The following B4GALT5 variants were observed in gnomAD, a reference collection of about 807,000 sequenced individuals.
B4GALT5 encodes the protein beta-1,4-galactosyltransferase 5, also known as UDP-Gal:beta-GlcNAc beta-1,4-galactosyltransferase 5.
Under a neutral mutation model 45.0 loss-of-function variants are expected in B4GALT5, and 11 were observed. The observed-to-expected ratio is 0.24, with a 90% CI of 0.15 to 0.40. The LOEUF (loss-of-function observed/expected upper bound fraction) is 0.40. Among genes scored for constraint, B4GALT5 ranks in the 10% least tolerant of loss-of-function variants. The pLI is 1.00. For synonymous variants in B4GALT5, 185 were observed against 182.9 expected (o/e 1.01, Z -0.09); for missense variants, 337 against 500.2 (o/e 0.67, Z 3.11).
chr20:49,676,602 C>A (rs540195844), intron 1 of B4GALT5, among the ~76,000 whole-genome samples: 1 of 152,226 alleles, frequency 6.6e-6, no homozygotes, highest in Non-Finnish European at 1.5e-5. Context: ...CTCTTCCTTC[C>A]GTAAGAAGGC....
At chr20:49,657,996 A>T (rs1301764027) in intron 1 of B4GALT5, among the ~76,000 whole-genome samples, 1 of 152,194 alleles carries the variant, frequency 6.6e-6, no homozygotes, top group Non-Finnish European at 1.5e-5. Flanking sequence ...AAAGATTTCA[A>T]ATCATCTCTT....
At chr20:49,672,972 C>T (rs973110911) in intron 1 of B4GALT5, among the ~76,000 whole-genome samples, 3 of 152,200 alleles carry the variant, frequency 2.0e-5, no homozygotes, top group African/African-American at 7.2e-5. Flanking sequence ...TAACCAAGTG[C>T]CCAAACTGGG....
intron 3 of B4GALT5, among the ~76,000 whole-genome samples, chr20:49,644,738 T>A (rs144477425): frequency 6.6e-6 from 1 of 152,182 alleles, no homozygotes; most frequent in African/African-American, 2.4e-5. Flanking sequence ...TGGTGAGACA[T>A]GCAAATGAAA....
chr20:49,680,381 T>C (rs1193207609), intron 1 of B4GALT5, among the ~76,000 whole-genome samples: 1 of 152,176 alleles, frequency 6.6e-6, no homozygotes, highest in Non-Finnish European at 1.5e-5. Context: ...ATAAAAGCAC[T>C]GATGTGCATC....
At chr20:49,687,982 A>G (rs1271388568) in intron 1 of B4GALT5, among the ~76,000 whole-genome samples, 2 of 152,122 alleles carry the variant, frequency 1.3e-5, no homozygotes, top group Non-Finnish European at 2.9e-5. Context: ...ACCCTTTAGG[A>G]GCAAGCCAAT....
At chr20:49,659,807 CTTTT>C (rs747374571) in intron 1 of B4GALT5, among the ~76,000 whole-genome samples, 2 of 150,076 alleles carry the variant, frequency 1.3e-5, no homozygotes, top group Non-Finnish European at 2.9e-5. Context: ...CTTGTTTTTT[CTTTT>C]TTTCTTTTTT....
rs542703843 is a variant in B4GALT5 at position 49,662,047 on chromosome 20, C to A, written c.116-5345G>T. Among the ~76,000 whole-genome samples, 29 of 152,292 alleles carry A rather than the reference C, an allele frequency of 1.9e-4. No homozygotes were observed. In the South Asian group the frequency reaches 6.0e-3, roughly 32 times the overall value. On this transcript the variant is annotated intron_variant, in intron 1 of 8. Coordinates refer to ENST00000371711, the MANE Select transcript of B4GALT5 (RefSeq NM_004776.4). ...CGGGGGCGAAGGACTGGGTTTCCTGCCCTTCAGCCACCTCTTGGCCACACA... is the reference window on the plus strand; with the variant it reads ...CGGGGGCGAAGGACTGGGTTTCCTGACCTTCAGCCACCTCTTGGCCACACA...
intron 1 of B4GALT5, among the ~76,000 whole-genome samples, chr20:49,692,320 A>G (rs1479456394): frequency 6.7e-6 from 1 of 148,786 alleles, no homozygotes; most frequent in Non-Finnish European, 1.5e-5. Flanking sequence ...AAAAAAAAGT[A>G]GCCAGGCATG....
At chr20:49,680,965 G>A (rs114249533) in intron 1 of B4GALT5, among the ~76,000 whole-genome samples, 2,192 of 152,048 alleles carry the variant, frequency 0.014, 59 homozygotes, top group African/African-American at 0.05. Context: ...AATTTAATAA[G>A]TTCCAGCACT....
At chr20:49,705,604 G>T (rs2085880544) in intron 1 of B4GALT5, among the ~76,000 whole-genome samples, 1 of 152,170 alleles carries the variant, frequency 6.6e-6, no homozygotes, top group South Asian at 2.1e-4. Flanking sequence ...GTCTGGGGAG[G>T]AGATGAAGTC....
chr20:49,667,699 C>A (rs1050257920), intron 1 of B4GALT5, among the ~76,000 whole-genome samples: 9 of 152,182 alleles, frequency 5.9e-5, no homozygotes, highest in African/African-American at 2.2e-4. Flanking sequence ...GTGTGAGCCA[C>A]CCCGCATGGC....
intron 1 of B4GALT5, among the ~76,000 whole-genome samples, chr20:49,667,805 A>G (rs1403224043): frequency 6.6e-6 from 1 of 152,236 alleles, no homozygotes; most frequent in Non-Finnish European, 1.5e-5. Flanking sequence ...GCTATAATGC[A>G]TCCCCCAAAT....
chr20:49,639,587 C>T, intron 7 of B4GALT5, 91 bp downstream of exon 7: 4 of 1,517,154 alleles, frequency 2.6e-6, no homozygotes, highest in Non-Finnish European at 2.7e-6. Flanking sequence ...TTAAATTACA[C>T]ACATGGCTTG....
rs1802161 is a variant in B4GALT5, at chr20:49,656,596, G to A, written c.222C>T (p.Ala74=). 1.8e-3 allele frequency: 2,841 copies of A among 1,614,006 alleles called. 49 individuals are homozygous for A. The African/African-American group carries it at 0.035, about 20-fold the overall frequency. The change falls in exon 2 of 9, where the codon GCC becomes GCT. Residue 74 remains alanine (A), a synonymous_variant. Coordinates refer to ENST00000371711, the MANE Select transcript of B4GALT5 (RefSeq NM_004776.4). The stretch of plus-strand genomic sequence containing the variant: ...AGTCATTTACACTGCTGTTCCTCTT[G>A]GCATAAGCACTCCGAAGCACCTGCT... ...VYEQVLRSAY[A]KRNSSVNDSD...
At chr20:49,654,348 T>C (rs2085633542) in intron 2 of B4GALT5, among the ~76,000 whole-genome samples, 1 of 152,240 alleles carries the variant, frequency 6.6e-6, no homozygotes, top group Non-Finnish European at 1.5e-5. Context: ...GTGTGCGGAT[T>C]GTGCAAAACC....
chr20:49,656,678 T>A lies in B4GALT5; in HGVS notation c.140A>T (p.Gln47Leu). 1 of 1,614,152 alleles carries A rather than the reference T, an allele frequency of 6.2e-7. No individual in the cohort carries two copies. Among genetic ancestry groups the A allele is most frequent in the South Asian group, 1.1e-5 (1 of 91,090 alleles). Reference protein sequence around the residue: ...GIVNTYLFMMQAQGILIRDNV... With the variant: ...GIVNTYLFMMLAQGILIRDNV... ...GTCCCGGATCAGAATGCCTTGGGCT[T>A]GCATCATGAAGAGGTAGGTGTTCAC... Residue 47 changes from glutamine to leucine, a missense_variant, in exon 2 of 9, where the codon CAA (glutamine) becomes CTA (leucine). By Grantham distance (113) the Gln-to-Leu change is moderately radical. This residue lies in a region of B4GALT5 where 174 missense variants were observed against 207.4 expected (regional missense o/e 0.84). Coordinates refer to ENST00000371711, the MANE Select transcript of B4GALT5 (RefSeq NM_004776.4).
intron 1 of B4GALT5, among the ~76,000 whole-genome samples, chr20:49,710,621 T>C (rs865982279): frequency 2.6e-4 from 40 of 152,172 alleles, no homozygotes; most frequent in African/African-American, 8.4e-4. Flanking sequence ...GGTTTCACCA[T>C]CTTGGATAGG....
chr20:49,686,728 CAA>C (rs59766440), intron 1 of B4GALT5, among the ~76,000 whole-genome samples: 1,336 of 59,026 alleles, frequency 0.023, 11 homozygotes, highest in South Asian at 0.084. Flanking sequence ...TGTCTCTGCC[CAA>C]AAAAAAAAAA....
chr20:49,659,246 T>TTAC (rs1265628090), intron 1 of B4GALT5, among the ~76,000 whole-genome samples: 1 of 152,236 alleles, frequency 6.6e-6, no homozygotes, highest in Non-Finnish European at 1.5e-5. Context: ...ATCCACACTG[T>TTAC]TACTGCTCAA....
Sources: gnomAD v4.1 joint callset for allele counts (sites outside exome capture counted in the v4.1 genomes callset) on GRCh38, gnomAD v4.1.1 for gene constraint, gnomAD v4.1.1 regional missense constraint, MANE v1.5 for transcripts, NCBI Gene and HGNC (gene_info 2026-07-23, HGNC 2026-07-21) for gene names.